Variants in SLC2A4 observed in about 807,000 individuals in gnomAD.
SLC2A4 encodes the protein solute carrier family 2, facilitated glucose transporter member 4.
A neutral mutation model predicts 53.3 loss-of-function variants in SLC2A4; 31 were observed. The ratio of observed to expected loss-of-function variants is 0.58; its 90% CI spans 0.44 to 0.78. The LOEUF (loss-of-function observed/expected upper bound fraction) is 0.78. Among genes scored for constraint, SLC2A4 ranks in the 30% least tolerant of loss-of-function variants. SLC2A4 has a pLI of 0.00. For synonymous variants in SLC2A4, 276 were observed against 281.9 expected, an observed-to-expected ratio of 0.98 and a Z score of 0.21; for missense variants, 538 against 655.7, an observed-to-expected ratio of 0.82 and a Z score of 1.96.
Position 7,281,960 on chromosome 17 carries a change from G to C in SLC2A4, c.26G>C (p.Gly9Ala), listed in dbSNP as rs777053264. 1 of 1,292,750 alleles carries C rather than the reference G, an allele frequency of 7.7e-7. No individual in the cohort carries two copies. The allele number at this position is 1,292,750 out of a possible 1,614,324, so 80.1% of individuals were successfully genotyped here. A position where few individuals can be genotyped will look rare whatever the true frequency, so the allele number is the denominator to read the frequency against. Residue 9 changes from glycine (G) to alanine (A), a missense_variant, in exon 1 of 11, where the codon GGC becomes GCC. Transcript: ENST00000317370. MPSGFQQI[G>A]SEDGEPPQQR... is the part of the protein sequence containing the mutation. ...ATGCCGTCGGGCTTCCAACAGATAG[G>C]CTCCGAAGTAGGATTCATCATGAGG...
chr17:7,284,126 G>A lies in SLC2A4; in HGVS notation c.564+37G>A. Reference sequence around the variant, plus strand: ...AAGCCTCATGGGTGCCTGGGCAGTGGTTAGAGTGGGGCTCTGGAGAATATG... The same window carrying A: ...AAGCCTCATGGGTGCCTGGGCAGTGATTAGAGTGGGGCTCTGGAGAATATG... On this transcript the variant is annotated intron_variant, in intron 5 of 10. Coordinates refer to ENST00000317370, the MANE Select transcript of SLC2A4 (RefSeq NM_001042.3). This position sits in a 1 kb window ranked among gnomAD's most constrained non-coding sequence, Gnocchi z 7.5. 5 of 1,611,266 alleles carry A rather than the reference G, an allele frequency of 3.1e-6. No homozygotes were observed. Among genetic ancestry groups the A allele is most frequent in the Non-Finnish European group, 3.4e-6 (4 of 1,178,056 alleles).
In SLC2A4 at chr17:7,282,076, G is replaced by T. The variant is rs900858681; in HGVS notation, c.33+109G>T. The stretch of plus-strand genomic sequence containing the variant: ...GGTGGTTCCTGCGCAGGCGCAGGGG[G>T]TGAAGGTAGGGGGCTGGCTATTTAT... On this transcript the variant is annotated intron_variant, in intron 1 of 10. Transcript: ENST00000317370. This position sits in a 1 kb window ranked among gnomAD's most constrained non-coding sequence, Gnocchi z 4.1. The T allele has an allele frequency of 3.3e-6, 3 of 902,044 alleles. No homozygotes were observed. The highest frequency in any genetic ancestry group is 5.4e-6 in the Non-Finnish European group (3 of 558,610). The allele number at this position is 902,044 out of a possible 1,614,324, so 55.9% of individuals were successfully genotyped here. A position where few individuals can be genotyped will look rare whatever the true frequency, so the allele number is the denominator to read the frequency against.
chr17:7,282,001 G>GGGGGGGGGGGGGGGCC lies in SLC2A4; in HGVS notation c.33+34_33+35insGGGGGGGGGGGGGGCC. 2 of 535,034 alleles carry GGGGGGGGGGGGGGGCC rather than the reference G, an allele frequency of 3.7e-6. No homozygotes were observed. The highest frequency in any genetic ancestry group is 1.5e-5 in the South Asian group (1 of 67,876). The allele number at this position is 535,034 out of a possible 1,614,324, so 33.1% of individuals were successfully genotyped here. On this transcript the variant is annotated intron_variant, in intron 1 of 10. Coordinates refer to ENST00000317370, the MANE Select transcript of SLC2A4 (RefSeq NM_001042.3). The surrounding 1 kb of genome is among the most constrained non-coding windows in gnomAD (Gnocchi z 4.1). The stretch of plus-strand genomic sequence containing the variant: ...CATCATGAGGGGGCGGGGCGGGGGG[G>GGGGGGGGGGGGGGGCC]CACGGGTCCCGCTTTTCTTGGGCTG...
chr17:7,286,304 G>C, intron 10 of SLC2A4, 122 bp from the exon 11 acceptor site: 1 of 806,070 alleles, frequency 1.2e-6, no homozygotes, highest in Non-Finnish European at 2.2e-6. Flanking sequence ...GTCCCTGGAG[G>C]AGGCAGCTGC....
At position 7,286,485 on chromosome 17, in the gene SLC2A4, C is replaced by T. The variant is rs1167562044; in HGVS notation, c.1386C>T (p.Ile462=). The T allele has an allele frequency of 6.2e-7, 1 of 1,614,206 alleles. No homozygotes were observed. The change falls in exon 11 of 11, where the codon ATC becomes ATT. Residue 462 remains isoleucine, a synonymous_variant. Coordinates refer to ENST00000317370, the MANE Select transcript of SLC2A4 (RefSeq NM_001042.3). ...CGGTCCTCCTGCTGGGCTTCTTCAT[C>T]TTCACCTTCTTAAGAGTACCTGAAA... is the stretch of plus-strand genomic sequence containing the variant. ...LFAVLLLGFF[I]FTFLRVPETR... is the part of the protein sequence containing the mutation.
In SLC2A4 at chr17:7,284,599, G is replaced by A. The variant is rs1272174457; in HGVS notation, c.842G>A (p.Ser281Asn). 6.2e-7 allele frequency: 1 copy of A among 1,614,168 alleles called. No individual in the cohort carries two copies. Among genetic ancestry groups the A allele is most frequent in the South Asian group, 1.1e-5 (1 of 91,084 alleles). Residue 281 changes from serine to asparagine, a missense_variant, in exon 7 of 11, where the codon AGC becomes AAC. Ser to Asn is a conservative substitution (Grantham distance 46, BLOSUM62 1). Transcript: ENST00000317370. The surrounding 1 kb of genome is among the most constrained non-coding windows in gnomAD (Gnocchi z 7.5). ...RPLSLLQLLG[S>N]RTHRQPLIIA... ...CTGTCCCTGCTCCAGCTCCTGGGCA[G>A]CCGTACCCACCGGCAGCCCCTGATC...
Position 7,281,902 on chromosome 17 carries a change from C to T in SLC2A4, c.-33C>T, listed in dbSNP as rs368253548. On this transcript the variant is annotated 5_prime_UTR_variant, in exon 1 of 11. Transcript: ENST00000317370. ...TCCAGGATCGGTTCTTTCATCTTCG[C>T]CGCCCCTGCGCGTCCAGCTCTTCTA... 11 of 1,593,296 alleles carry T rather than the reference C, an allele frequency of 6.9e-6. No homozygotes were observed. Among genetic ancestry groups the T allele is most frequent in the South Asian group, 1.1e-5 (1 of 87,976 alleles).
chr17:7,284,560 A>T lies in SLC2A4; in HGVS notation c.803A>T (p.Glu268Val). 1.9e-6 allele frequency: 3 copies of T among 1,614,174 alleles called. No individual in the cohort carries two copies. Among genetic ancestry groups the T allele is most frequent in the Non-Finnish European group, 2.5e-6 (3 of 1,180,046 alleles). Residue 268 changes from glutamate (E) to valine (V), a missense_variant, in exon 7 of 11, where the codon GAG (glutamate) becomes GTG (valine). Physicochemically the swap from Glu to Val is moderately radical, Grantham distance 121. Coordinates refer to ENST00000317370, the MANE Select transcript of SLC2A4 (RefSeq NM_001042.3). This position sits in a 1 kb window ranked among gnomAD's most constrained non-coding sequence, Gnocchi z 7.5. Reference protein sequence around the residue: ...AELKDEKRKLERERPLSLLQL... With the variant: ...AELKDEKRKLVRERPLSLLQL... ...CTGAAGGATGAGAAGCGGAAGCTGGAGCGTGAGCGGCCACTGTCCCTGCTC... is the reference window on the plus strand; with the variant it reads ...CTGAAGGATGAGAAGCGGAAGCTGGTGCGTGAGCGGCCACTGTCCCTGCTC...
rs189275417 is a variant in SLC2A4, at chr17:7,287,745, T to C, written c.*1116T>C. ...AGCCTTTGGATATTTTTATATACGT[T>C]TGAAAAGGGGATTGAGAGAAGAAAC... On this transcript the variant is annotated 3_prime_UTR_variant, in exon 11 of 11. Transcript: ENST00000317370. 6.6e-6 allele frequency: 1 copy of C among 152,322 alleles called. No individual in the cohort carries two copies. Among genetic ancestry groups the C allele is most frequent in the East Asian group, 1.9e-4 (1 of 5,188 alleles). The allele number at this position is 152,322 out of a possible 1,614,324, so 9.4% of individuals were successfully genotyped here.
At position 7,288,126 on chromosome 17, in the gene SLC2A4, C is replaced by T. The variant is rs904028153; in HGVS notation, c.*1497C>T. 1 of 152,742 alleles carries T rather than the reference C, an allele frequency of 6.5e-6. No individual in the cohort carries two copies. The highest frequency in any genetic ancestry group is 6.5e-5 in the Admixed American group (1 of 15,322). 9.5% of individuals were successfully genotyped at this position (152,742 alleles called of 1,614,324 possible). A position where few individuals can be genotyped will look rare whatever the true frequency, so the allele number is the denominator to read the frequency against. ...AACCCATGATAGGGGCACTCTTCAC[C>T]AGGGACACAGCTGGAGACATGGCAG... On this transcript the variant is annotated 3_prime_UTR_variant, in exon 11 of 11. Transcript: ENST00000317370.
rs1170001111 is a variant in SLC2A4 at position 7,283,257 on chromosome 17, C to T, written c.46C>T (p.Pro16Ser). Residue 16 changes from proline to serine, a missense_variant, in exon 2 of 11, where the codon CCT (proline) becomes TCT (serine). Pro to Ser is a moderately conservative substitution (Grantham distance 74). Transcript: ENST00000317370. The surrounding 1 kb of genome is among the most constrained non-coding windows in gnomAD (Gnocchi z 5.8). ...TCTGCCTGTTCAGGATGGGGAACCC[C>T]CTCAGCAGCGAGTGACTGGGACCCT... is the stretch of plus-strand genomic sequence containing the variant. ...QQIGSEDGEP[P>S]QQRVTGTLVL... 2 of 1,613,884 alleles carry T rather than the reference C, an allele frequency of 1.2e-6. No homozygotes were observed. The highest frequency in any genetic ancestry group is 2.2e-5 in the East Asian group (1 of 44,880).
Position 7,282,458 on chromosome 17 carries a change from G to GC in SLC2A4, c.33+498dup, listed in dbSNP as rs761473882. ...GGTGGAGGGGCAGAGGGGACTGTCA[G>GC]CCCCCCCTCCTCCAGCTCAGGTTTC... On this transcript the variant is annotated intron_variant, in intron 1 of 10. Coordinates refer to ENST00000317370, the MANE Select transcript of SLC2A4 (RefSeq NM_001042.3). This position sits in a 1 kb window ranked among gnomAD's most constrained non-coding sequence, Gnocchi z 4.1. 2 of 453,142 alleles carry GC rather than the reference G, an allele frequency of 4.4e-6. No homozygotes were observed. Among genetic ancestry groups the GC allele is most frequent in the Admixed American group, 4.8e-5 (2 of 42,084 alleles). 28.1% of individuals were successfully genotyped at this position (453,142 alleles called of 1,614,324 possible).
chr17:7,286,731 G>A lies in SLC2A4; in HGVS notation c.*102G>A, dbSNP rs567877199. 2.6e-6 allele frequency: 3 copies of A among 1,136,128 alleles called. No individual in the cohort carries two copies. Among genetic ancestry groups the A allele is most frequent in the East Asian group, 4.7e-5 (2 of 42,490 alleles). 70.4% of individuals were successfully genotyped at this position (1,136,128 alleles called of 1,614,324 possible). A position where few individuals can be genotyped will look rare whatever the true frequency, so the allele number is the denominator to read the frequency against. On this transcript the variant is annotated 3_prime_UTR_variant, in exon 11 of 11. Coordinates refer to ENST00000317370, the MANE Select transcript of SLC2A4 (RefSeq NM_001042.3). Reference sequence around the variant, plus strand: ...ACCCTCTCTTCCCTATTATTTCCGGGTGGAAAAGAATCCCTGCAGCCTGGT... The same window carrying A: ...ACCCTCTCTTCCCTATTATTTCCGGATGGAAAAGAATCCCTGCAGCCTGGT...
Position 7,283,407 on chromosome 17 carries a change from A to G in SLC2A4, c.150+46A>G, listed in dbSNP as rs375712217. Reference sequence around the variant, plus strand: ...GGGTGGGGGTACCCAAACGAGGAGGACAGGTGTCTCGGGGGTGGTGGAAAG... The same window carrying G: ...GGGTGGGGGTACCCAAACGAGGAGGGCAGGTGTCTCGGGGGTGGTGGAAAG... On this transcript the variant is annotated intron_variant, in intron 2 of 10. Transcript: ENST00000317370. The surrounding 1 kb of genome is among the most constrained non-coding windows in gnomAD (Gnocchi z 5.8). 8.7e-6 allele frequency: 14 copies of G among 1,610,910 alleles called. No homozygotes were observed. Among genetic ancestry groups the G allele is most frequent in the African/African-American group, 2.7e-5 (2 of 74,432 alleles).
rs1264706851 is a variant in SLC2A4 at position 7,285,362 on chromosome 17, C to G, written c.1122+173C>G. ...GAATCTGCTGGGATTGTGGTCTGCT[C>G]CTGAGGGATTTGGGCTGCACTGGGA... is the stretch of plus-strand genomic sequence containing the variant. On this transcript the variant is annotated intron_variant, in intron 9 of 10. Transcript: ENST00000317370. The surrounding 1 kb of genome is among the most constrained non-coding windows in gnomAD (Gnocchi z 6.0). Among the ~76,000 whole-genome samples, 1 of 152,190 alleles carries G rather than the reference C, an allele frequency of 6.6e-6. No homozygotes were observed. The highest frequency in any genetic ancestry group is 1.5e-5 in the Non-Finnish European group (1 of 68,032).
chr17:7,284,843 T>C lies in SLC2A4; in HGVS notation c.924T>C (p.Tyr308=). The C allele has an allele frequency of 6.2e-7, 1 of 1,614,186 alleles. No individual in the cohort carries two copies. Among genetic ancestry groups the C allele is most frequent in the Non-Finnish European group, 8.5e-7 (1 of 1,180,020 alleles). The change falls in exon 8 of 11, where the codon TAT becomes TAC. Residue 308 remains tyrosine, a synonymous_variant. Transcript: ENST00000317370. The surrounding 1 kb of genome is among the most constrained non-coding windows in gnomAD (Gnocchi z 7.5). ...TTCTCCCCCACCTCTAGGTTTTCTA[T>C]TATTCGACCAGCATCTTCGAGACAG... ...QQLSGINAVF[Y]YSTSIFETAG... is the part of the protein sequence containing the mutation.
Position 7,283,481 on chromosome 17 carries a change from A to C in SLC2A4, c.159A>C (p.Glu53Asp). ...CCTCTGCTGTCCCCCAGGTGATTGA[A>C]CAGAGCTACAATGAGACGTGGCTGG... is the stretch of plus-strand genomic sequence containing the variant. ...GVINAPQKVI[E>D]QSYNETWLGR... The change falls in exon 3 of 11, where the codon GAA becomes GAC. Residue 53 changes from glutamate (E) to aspartate (D), a missense_variant. Glu to Asp is a conservative substitution (Grantham distance 45, BLOSUM62 2). Coordinates refer to ENST00000317370, the MANE Select transcript of SLC2A4 (RefSeq NM_001042.3). This position sits in a 1 kb window ranked among gnomAD's most constrained non-coding sequence, Gnocchi z 5.8. 6.2e-7 allele frequency: 1 copy of C among 1,613,352 alleles called. No individual in the cohort carries two copies. The highest frequency in any genetic ancestry group is 8.5e-7 in the Non-Finnish European group (1 of 1,179,572).
chr17:7,286,349 T>G, intron 10 of SLC2A4, 77 bp from the exon 11 acceptor site: 1 of 1,265,578 alleles, frequency 7.9e-7, no homozygotes, highest in South Asian at 1.2e-5. Flanking sequence ...ATGAAGGCCT[T>G]TAGCTCCTGG....
At position 7,284,394 on chromosome 17, in the gene SLC2A4, T is replaced by C. The variant is rs1249680893; in HGVS notation, c.727+15T>C. The C allele has an allele frequency of 1.2e-6, 2 of 1,614,100 alleles. No homozygotes were observed. The highest frequency in any genetic ancestry group is 3.3e-5 in the Admixed American group (2 of 60,026). ...TGCCAGAAAGAGTAAGCTCTCCCGC[T>C]GCAGCCTGGCCCAGGCCCATGCCTC... On this transcript the variant is annotated intron_variant, in intron 6 of 10. Coordinates refer to ENST00000317370, the MANE Select transcript of SLC2A4 (RefSeq NM_001042.3). The surrounding 1 kb of genome is among the most constrained non-coding windows in gnomAD (Gnocchi z 7.5).
Sources: allele counts gnomAD v4.1 joint callset (sites outside exome capture counted in the v4.1 genomes callset), GRCh38; gene constraint gnomAD v4.1.1; non-coding constraint Gnocchi (gnomAD v3.1); transcripts MANE v1.5; gene names NCBI Gene and HGNC (gene_info 2026-07-23, HGNC 2026-07-21).